SLC8A1: variants seen among roughly 807,000 people sequenced by gnomAD.
The protein encoded by SLC8A1 is solute carrier family 8 member A1, also known as sodium/calcium exchanger 1.
SLC8A1 carries 18 observed loss-of-function variants against 68.3 expected under a neutral mutation model. The observed-to-expected ratio is 0.26, with a 90% CI of 0.18 to 0.39. SLC8A1 has a LOEUF of 0.39. Among genes scored for constraint, SLC8A1 ranks in the 10% least tolerant of loss-of-function variants. SLC8A1 has a pLI of 1.00. For missense variants in SLC8A1, 985 were observed against 1,156.7 expected (o/e 0.85, Z 2.15); for synonymous variants, 475 against 415.5 (o/e 1.14, Z -1.74).
intron 2 of SLC8A1, among the ~76,000 whole-genome samples, chr2:40,234,668 G>T (rs897054719): frequency 1.3e-5 from 2 of 152,160 alleles, no homozygotes; most frequent in Non-Finnish European, 2.9e-5. Context: ...GGGCATCCCT[G>T]TCTTGTGCCA....
intron 2 of SLC8A1, among the ~76,000 whole-genome samples, chr2:40,216,024 T>TTTTTTA (rs1553421259): frequency 6.7e-6 from 1 of 149,630 alleles, no homozygotes; most frequent in Non-Finnish European, 1.5e-5. Flanking sequence ...TTTTTTTTTT[T>TTTTTTA]ACAATTTTTT....
At chr2:40,361,569 T>C (rs1344435022) in intron 2 of SLC8A1, among the ~76,000 whole-genome samples, 2 of 151,628 alleles carry the variant, frequency 1.3e-5, no homozygotes, top group Non-Finnish European at 2.9e-5. Flanking sequence ...TGGTGCCCCA[T>C]CAAGACAATC....
At chr2:40,455,263 A>G (rs914588001), upstream of SLC8A1, among the ~76,000 whole-genome samples, 3 of 152,216 alleles carry the variant, frequency 2.0e-5, no homozygotes, top group Non-Finnish European at 4.4e-5. Context: ...ACATGTGATC[A>G]GGTTACCAAG....
intron 1 of SLC8A1, among the ~76,000 whole-genome samples, chr2:40,475,192 A>C (rs1490947633): frequency 6.6e-6 from 1 of 152,078 alleles, no homozygotes; most frequent in African/African-American, 2.4e-5. Flanking sequence ...GGAGTGCAGT[A>C]GCGTGATCTC....
chr2:40,188,352 T>C (rs1054100522), intron 2 of SLC8A1, among the ~76,000 whole-genome samples: 4 of 152,246 alleles, frequency 2.6e-5, no homozygotes, highest in Admixed American at 2.6e-4. Flanking sequence ...GCATCTTTTC[T>C]AGAAATGAAA....
chr2:40,237,893 G>A (rs1356007925), intron 2 of SLC8A1, among the ~76,000 whole-genome samples: 2 of 151,984 alleles, frequency 1.3e-5, no homozygotes, highest in Non-Finnish European at 2.9e-5. Flanking sequence ...CCCTGCTGGG[G>A]GGTGCCTCCC....
intron 1 of SLC8A1, among the ~76,000 whole-genome samples, chr2:40,439,346 G>C (rs1273991060): frequency 6.6e-6 from 1 of 152,134 alleles, no homozygotes; most frequent in African/African-American, 2.4e-5. Flanking sequence ...AGTAGAGGTA[G>C]AAAACATGCA....
intron 2 of SLC8A1, among the ~76,000 whole-genome samples, chr2:40,248,457 G>A (rs151021736): frequency 6.6e-6 from 1 of 152,256 alleles, no homozygotes; most frequent in African/African-American, 2.4e-5. Context: ...ACAGCGAAAA[G>A]ATGGCTGTCT....
chr2:40,288,915 G>C (rs2068792842), intron 2 of SLC8A1, among the ~76,000 whole-genome samples: 1 of 145,258 alleles, frequency 6.9e-6, no homozygotes, highest in African/African-American at 2.6e-5. Flanking sequence ...GCCTGGGCTG[G>C]TCTCAATCTC....
At chr2:40,253,564 G>A (rs890449212) in intron 2 of SLC8A1, among the ~76,000 whole-genome samples, 1 of 151,984 alleles carries the variant, frequency 6.6e-6, no homozygotes, top group African/African-American at 2.4e-5. Context: ...GGTGGCTCAT[G>A]CCTGTAATCC....
intron 2 of SLC8A1, among the ~76,000 whole-genome samples, chr2:40,422,771 T>C (rs1355251238): frequency 6.6e-6 from 1 of 152,146 alleles, no homozygotes; most frequent in Non-Finnish European, 1.5e-5. Flanking sequence ...ACTACAAATC[T>C]GTTAAATTCT....
chr2:40,328,938 G>A (rs570409210), intron 2 of SLC8A1, among the ~76,000 whole-genome samples: 1 of 152,076 alleles, frequency 6.6e-6, no homozygotes, highest in African/African-American at 2.4e-5. Context: ...GTCTGCCCAA[G>A]GACTTCCAGC....
intron 1 of SLC8A1, among the ~76,000 whole-genome samples, chr2:40,444,598 C>T (rs1264722913): frequency 6.6e-6 from 1 of 152,148 alleles, no homozygotes; most frequent in Non-Finnish European, 1.5e-5. Context: ...CAAGAGTTGG[C>T]AAACTATGGT....
intron 2 of SLC8A1, among the ~76,000 whole-genome samples, chr2:40,287,744 G>A (rs150758723): frequency 6.6e-6 from 1 of 151,936 alleles, no homozygotes; most frequent in Non-Finnish European, 1.5e-5. Context: ...AACTGGCATG[G>A]GGCTCTGCAA....
chr2:40,265,897 T>C (rs2065299265), intron 2 of SLC8A1, among the ~76,000 whole-genome samples: 1 of 152,098 alleles, frequency 6.6e-6, no homozygotes. Flanking sequence ...TATCTGGACA[T>C]GCACTGAAGT....
At chr2:40,136,398 T>G (rs575637911) in intron 7 of SLC8A1, among the ~76,000 whole-genome samples, 1 of 152,314 alleles carries the variant, frequency 6.6e-6, no homozygotes, top group South Asian at 2.1e-4. Flanking sequence ...AATAGTATGG[T>G]AAAAACACTT....
At chr2:40,200,247 T>TATATATTTATATATATATATATAAATAA (rs1558723411) in intron 2 of SLC8A1, among the ~76,000 whole-genome samples, 3 of 18,006 alleles carry the variant, frequency 1.7e-4, no homozygotes, top group African/African-American at 4.2e-4. Context: ...TAAATATATA[T>TATATATTTATATATATATATATAAATAA]ATATATATAT....
intron 4 of SLC8A1, among the ~76,000 whole-genome samples, chr2:40,174,265 A>G (rs13390338): frequency 0.5 from 75,214 of 151,834 alleles, 20,140 homozygotes; most frequent in Non-Finnish European, 0.62. Flanking sequence ...TGTTAAAGTG[A>G]TGTATTTTTA....
At chr2:40,165,611 T>C (rs974073028) in intron 4 of SLC8A1, among the ~76,000 whole-genome samples, 3 of 152,212 alleles carry the variant, frequency 2.0e-5, no homozygotes, top group African/African-American at 7.2e-5. Flanking sequence ...CCAAAATTTG[T>C]TAGGAAAACC....
Sources: gnomAD v4.1 joint callset for allele counts (sites outside exome capture counted in the v4.1 genomes callset) on GRCh38, gnomAD v4.1.1 for gene constraint, MANE v1.5 for transcripts, NCBI Gene and HGNC (gene_info 2026-07-23, HGNC 2026-07-21) for gene names.